RXFP1: variants seen among roughly 807,000 people sequenced by gnomAD.
The protein encoded by RXFP1 is relaxin family peptide receptor 1, also known as relaxin receptor 1.
In RXFP1, 73 loss-of-function variants were observed where a neutral mutation model predicts 89.8. The ratio of observed to expected loss-of-function variants is 0.81; its 90% CI spans 0.67 to 0.99. The LOEUF is 0.99. Among genes scored for constraint, RXFP1 ranks in the 50% least tolerant of loss-of-function variants. RXFP1 has a pLI of 0.00. For missense variants in RXFP1, 793 were observed against 895.5 expected (o/e 0.89, Z 1.46); for synonymous variants, 277 against 305.5 (o/e 0.91, Z 0.97).
At chr4:158,524,843 T>TTTTA (rs1431090211) in intron 1 of RXFP1, among the ~76,000 whole-genome samples, 1 of 16,134 alleles carries the variant, frequency 6.2e-5, no homozygotes, top group Admixed American at 1.2e-3. Flanking sequence ...AAAACAATTC[T>TTTTA]TTTAATGTTT....
chr4:158,621,831 A>G lies in RXFP1; in HGVS notation c.755+4626A>G, dbSNP rs561412327. 1.2e-3 allele frequency among the ~76,000 whole-genome samples: 180 copies of G among 152,384 alleles called. 2 individuals are homozygous for G. Among genetic ancestry groups the G allele is most frequent in the Non-Finnish European group, 2.0e-3 (137 of 68,034 alleles). On this transcript the variant is annotated intron_variant, in intron 9 of 17. Coordinates refer to ENST00000307765, the MANE Select transcript of RXFP1 (RefSeq NM_021634.4). ...GCAAAAATGTTCAACATTACTAATC[A>G]TCAGAGAAATGCAAATCAAAACCAC...
intron 15 of RXFP1, among the ~76,000 whole-genome samples, chr4:158,645,438 TACTACAAATAAAATTGCA>T (rs1771332534): frequency 1.3e-5 from 2 of 152,228 alleles, no homozygotes; most frequent in African/African-American, 4.8e-5. Context: ...TAAAATCTTT[TACTACAAATAAAATTGCA>T]ACCTCCTATG....
At chr4:158,621,928 G>T (rs940038381) in intron 9 of RXFP1, among the ~76,000 whole-genome samples, 1 of 152,210 alleles carries the variant, frequency 6.6e-6, no homozygotes. Context: ...TGTTGACAAG[G>T]TTGTGGCTAG....
At chr4:158,646,767 T>A in intron 15 of RXFP1, 24 bp from the exon 16 acceptor site, 1 of 1,536,764 alleles carries the variant, frequency 6.5e-7, no homozygotes, top group Non-Finnish European at 8.7e-7. Context: ...TTTCTCTAAA[T>A]TTGTGAAACT....
chr4:158,645,119 G>A lies in RXFP1; in HGVS notation c.1326G>A (p.Met442Ile). The A allele has an allele frequency of 2.5e-6, 4 of 1,612,974 alleles. No homozygotes were observed. In the South Asian group the frequency reaches 3.3e-5, roughly 13 times the overall value. Residue 442 changes from methionine (M) to isoleucine (I), a missense_variant, in exon 15 of 18, where the codon ATG (methionine) becomes ATA (isoleucine). By Grantham distance (10) the Met-to-Ile change is conservative. Transcript: ENST00000307765. ...YIRSENKLYA[M>I]SIISLCCADC... Reference sequence around the variant, plus strand: ...GGTCTGAGAACAAGCTGTATGCCATGTCAATCATTTCTCTCTGCTGTGAGT... The same window carrying A: ...GGTCTGAGAACAAGCTGTATGCCATATCAATCATTTCTCTCTGCTGTGAGT...
intron 1 of RXFP1, among the ~76,000 whole-genome samples, chr4:158,568,410 G>A (rs1754258542): frequency 6.6e-6 from 1 of 152,214 alleles, no homozygotes; most frequent in Non-Finnish European, 1.5e-5. Context: ...GAAAACACAG[G>A]CAGGTATGGC....
chr4:158,612,291 G>C lies in RXFP1; in HGVS notation c.609G>C (p.Leu203=), dbSNP rs1318631408. Residue 203 remains leucine, a splice_region_variant and synonymous_variant, in exon 8 of 18, where the codon CTG becomes CTC. Transcript: ENST00000307765. ...VFEDLHRLEW[L]IIEDNHLSRI... ...TTAATTTTTTTCTTCTGGCTGTCAG[G>C]ATAATTGAAGATAATCACCTCAGTC... 1 of 1,611,030 alleles carries C rather than the reference G, an allele frequency of 6.2e-7. No individual in the cohort carries two copies. Among genetic ancestry groups the C allele is most frequent in the African/African-American group, 1.3e-5 (1 of 74,778 alleles).
intron 4 of RXFP1, among the ~76,000 whole-genome samples, chr4:158,603,985 A>T (rs1762153776): frequency 6.7e-6 from 1 of 148,874 alleles, no homozygotes; most frequent in Non-Finnish European, 1.5e-5. Flanking sequence ...AAAAAGTAAG[A>T]TTTTTTTTTT....
At chr4:158,633,304 T>A in intron 11 of RXFP1, 101 bp from the exon 12 acceptor site, 1 of 718,942 alleles carries the variant, frequency 1.4e-6, no homozygotes, top group East Asian at 2.8e-5. Flanking sequence ...AACTCACCAA[T>A]GGCATTGTTG....
intron 6 of RXFP1, among the ~76,000 whole-genome samples, chr4:158,609,029 T>G (rs1439851203): frequency 6.6e-6 from 1 of 152,232 alleles, no homozygotes; most frequent in African/African-American, 2.4e-5. Flanking sequence ...GTTTAACTGT[T>G]TATCTGTCAG....
chr4:158,612,264 A>C, intron 7 of RXFP1, 27 bp from the exon 8 acceptor site: 1 of 1,605,848 alleles, frequency 6.2e-7, no homozygotes, highest in Non-Finnish European at 8.5e-7. Flanking sequence ...TATATAAATG[A>C]ATTAATTTTT....
intron 6 of RXFP1, chr4:158,610,573 A>C: frequency 3.2e-6 from 2 of 633,422 alleles, no homozygotes; most frequent in East Asian, 6.6e-5. Context: ...TAAGTTCCAA[A>C]CCTGTGTTGC....
intron 1 of RXFP1, among the ~76,000 whole-genome samples, chr4:158,533,969 T>C (rs1744676475): frequency 6.6e-6 from 1 of 152,206 alleles, no homozygotes; most frequent in African/African-American, 2.4e-5. Flanking sequence ...TAGGCATATT[T>C]ATTAAATTTC....
intron 4 of RXFP1, among the ~76,000 whole-genome samples, chr4:158,602,398 T>C (rs942512840): frequency 1.3e-5 from 2 of 152,152 alleles, no homozygotes; most frequent in African/African-American, 4.8e-5. Context: ...CTCACTTGTG[T>C]CTCTTTTATG....
rs187405674 is a variant in RXFP1 at position 158,570,724 on chromosome 4, C to T, written c.50-1974C>T. On this transcript the variant is annotated intron_variant, in intron 1 of 17. Transcript: ENST00000307765. Reference sequence around the variant, plus strand: ...CATCCCAGTAGCCAGAATTATATGACCAAAACATACCTGTTTCCTAATTGG... The same window carrying T: ...CATCCCAGTAGCCAGAATTATATGATCAAAACATACCTGTTTCCTAATTGG... Among the ~76,000 whole-genome samples, 27 of 152,232 alleles carry T rather than the reference C, an allele frequency of 1.8e-4. No individual in the cohort carries two copies. The East Asian group carries it at 5.2e-3, about 29-fold the overall frequency.
chr4:158,531,204 TA>T (rs1169374964), intron 1 of RXFP1, among the ~76,000 whole-genome samples: 2 of 151,864 alleles, frequency 1.3e-5, no homozygotes, highest in South Asian at 2.1e-4. Context: ...CCTACCTATT[TA>T]AAAAAAAATT....
intron 4 of RXFP1, among the ~76,000 whole-genome samples, chr4:158,602,561 CAA>C (rs11295662): frequency 1.1e-4 from 16 of 143,588 alleles, no homozygotes; most frequent in African/African-American, 3.7e-4. Context: ...TAAATAAATA[CAA>C]AAAAAAAAAG....
At chr4:158,614,978 A>G (rs1764266959) in intron 8 of RXFP1, among the ~76,000 whole-genome samples, 1 of 152,064 alleles carries the variant, frequency 6.6e-6, no homozygotes, top group Non-Finnish European at 1.5e-5. Context: ...TTAGTTAACC[A>G]TGCTGTAAAC....
rs750441904 is a variant in RXFP1, at chr4:158,599,379, G to A, written c.340G>A (p.Asp114Asn). The A allele has an allele frequency of 1.2e-6, 2 of 1,613,666 alleles. No individual in the cohort carries two copies. The highest frequency in any genetic ancestry group is 2.7e-5 in the African/African-American group (2 of 74,896). ...CLCQGLELDC[D>N]ETNLRAVPSV... ...TTGCCAAGGTCTGGAGCTTGACTGT[G>A]ATGAAACCAATTTACGAGCTGTTCC... is the stretch of plus-strand genomic sequence containing the variant. The change falls in exon 4 of 18, where the codon GAT (aspartate) becomes AAT (asparagine). Residue 114 changes from aspartate to asparagine, a missense_variant. Transcript: ENST00000307765.
Sources: allele counts gnomAD v4.1 joint callset (sites outside exome capture counted in the v4.1 genomes callset), GRCh38; gene constraint gnomAD v4.1.1; transcripts MANE v1.5; gene names NCBI Gene and HGNC (gene_info 2026-07-23, HGNC 2026-07-21).